Variants in TAFA2 observed in about 807,000 individuals in gnomAD.
TAFA2 encodes the protein TAFA chemokine like family member 2, also known as chemokine-like protein TAFA-2.
Under a neutral mutation model 18.8 loss-of-function variants are expected in TAFA2, and 7 were observed. That is an observed-to-expected ratio of 0.37 (90% CI 0.21 to 0.70). TAFA2 has a LOEUF of 0.70. TAFA2 is among the 30% of genes least tolerant of loss of function. The pLI is 0.53. For synonymous variants in TAFA2, 60 were observed against 54.2 expected (o/e 1.11, Z -0.47); for missense variants, 122 against 158.1 (o/e 0.77, Z 1.23).
In TAFA2 at chr12:61,726,301, T is replaced by C. The variant is rs946729821; in HGVS notation, c.385-15884A>G. Among the ~76,000 whole-genome samples, 3 of 152,038 alleles carry C rather than the reference T, an allele frequency of 2.0e-5. No individual in the cohort carries two copies. In the East Asian group the frequency reaches 5.8e-4, roughly 29 times the overall value. ...ATGGTGGTATTTAGATGGGAATGCA[T>C]TGAATTTGTAGATTGCTTTTGGCGG... On this transcript the variant is annotated intron_variant, in intron 4 of 4. Coordinates refer to ENST00000416284, the MANE Select transcript of TAFA2 (RefSeq NM_178539.5).
intron 1 of TAFA2, among the ~76,000 whole-genome samples, chr12:62,094,412 A>G (rs1228039351): frequency 6.6e-6 from 1 of 152,026 alleles, no homozygotes; most frequent in African/African-American, 2.4e-5. Flanking sequence ...CGTGTGCAAT[A>G]AATTCTCAGA....
chr12:61,883,055 C>A (rs1319353384), intron 1 of TAFA2, among the ~76,000 whole-genome samples: 1 of 152,176 alleles, frequency 6.6e-6, no homozygotes, highest in African/African-American at 2.4e-5. Flanking sequence ...TCTACTGTTA[C>A]TTTAAACACT....
At chr12:62,080,007 C>A (rs1868295357) in intron 1 of TAFA2, among the ~76,000 whole-genome samples, 1 of 152,160 alleles carries the variant, frequency 6.6e-6, no homozygotes, top group African/African-American at 2.4e-5. Flanking sequence ...ATCAAGGGGT[C>A]AGCCAGGCTG....
chr12:62,189,024 T>G (rs1355227704), intron 1 of TAFA2, among the ~76,000 whole-genome samples: 1 of 152,200 alleles, frequency 6.6e-6, no homozygotes, highest in Non-Finnish European at 1.5e-5. Context: ...GAAGCCTTAA[T>G]TCCCCTTTAG....
intron 4 of TAFA2, among the ~76,000 whole-genome samples, chr12:61,717,524 A>G (rs1376850082): frequency 6.6e-6 from 1 of 152,184 alleles, no homozygotes; most frequent in African/African-American, 2.4e-5. Flanking sequence ...ATTTATTTTA[A>G]CACTTTGAGA....
At chr12:62,205,588 C>T (rs1488855314) in intron 1 of TAFA2, among the ~76,000 whole-genome samples, 1 of 152,212 alleles carries the variant, frequency 6.6e-6, no homozygotes, top group East Asian at 1.9e-4. Flanking sequence ...AGGGTCCAGC[C>T]TAAAGAGGGA....
intron 1 of TAFA2, among the ~76,000 whole-genome samples, chr12:62,237,733 C>T (rs563438955): frequency 7.9e-5 from 12 of 151,978 alleles, no homozygotes; most frequent in Non-Finnish European, 1.5e-4. Flanking sequence ...TCCTAGATTG[C>T]TGCTTCCTTT....
intron 1 of TAFA2, among the ~76,000 whole-genome samples, chr12:61,874,491 G>C (rs1874758296): frequency 6.6e-6 from 1 of 152,086 alleles, no homozygotes; most frequent in Admixed American, 6.6e-5. Context: ...ACAATTATCT[G>C]CTTCCTTCAC....
At chr12:62,192,944 T>C (rs2062633374), upstream of TAFA2, 1 of 152,186 alleles carries the variant, frequency 6.6e-6, no homozygotes, top group Admixed American at 6.5e-5. Flanking sequence ...AAATATCTGG[T>C]TTCAGATAAT....
intron 1 of TAFA2, among the ~76,000 whole-genome samples, chr12:62,079,723 A>C (rs1173147049): frequency 6.6e-6 from 1 of 152,102 alleles, no homozygotes; most frequent in Non-Finnish European, 1.5e-5. Context: ...AAAAATCAAC[A>C]TTCCTGTCTC....
rs146177542 is a variant in TAFA2 at position 62,059,631 on chromosome 12, G to A, written c.-2+131628C>T. 4.0e-3 allele frequency among the ~76,000 whole-genome samples: 602 copies of A among 152,230 alleles called. 2 individuals carry two copies. Among genetic ancestry groups the A allele is most frequent in the African/African-American group, 0.013 (556 of 41,536 alleles). The stretch of plus-strand genomic sequence containing the variant: ...GAGCAGAAATCTGAAAGAAATGAAG[G>A]AGCAAGCCATGTGGCCACCTGAAGA... On this transcript the variant is annotated intron_variant, in intron 1 of 4. Transcript: ENST00000416284.
At chr12:62,063,363 C>T (rs1882402641) in intron 1 of TAFA2, among the ~76,000 whole-genome samples, 1 of 152,158 alleles carries the variant, frequency 6.6e-6, no homozygotes, top group African/African-American at 2.4e-5. Context: ...TCTATCTACT[C>T]AGAGTTATGA....
At chr12:62,067,970 AC>A (rs1882534225) in intron 1 of TAFA2, among the ~76,000 whole-genome samples, 1 of 151,220 alleles carries the variant, frequency 6.6e-6, no homozygotes, top group Non-Finnish European at 1.5e-5. Context: ...TTTTGTTTTT[AC>A]TTTTTTTTTC....
At chr12:62,024,852 T>C (rs879717557) in intron 1 of TAFA2, among the ~76,000 whole-genome samples, 1 of 151,788 alleles carries the variant, frequency 6.6e-6, no homozygotes. Context: ...TACAAACATA[T>C]GAAAAATGCT....
intron 1 of TAFA2, among the ~76,000 whole-genome samples, chr12:61,975,608 T>G (rs2136670505): frequency 6.6e-6 from 1 of 151,124 alleles, no homozygotes; most frequent in Middle Eastern, 3.4e-3. Flanking sequence ...AGCCTGGCTA[T>G]TGTGAATAAT....
At chr12:62,252,935 A>G (rs1349069266) in intron 1 of TAFA2, 1 of 152,226 alleles carries the variant, frequency 6.6e-6, no homozygotes. Context: ...ATATGTGTCA[A>G]TTCTAATCAA....
intron 2 of TAFA2, among the ~76,000 whole-genome samples, chr12:61,836,659 T>G (rs2121107954): frequency 6.6e-6 from 1 of 150,798 alleles, no homozygotes; most frequent in South Asian, 2.1e-4. Context: ...CAAAACAGCT[T>G]ATTTGAAAGC....
intron 2 of TAFA2, among the ~76,000 whole-genome samples, chr12:61,811,430 G>T (rs1485887375): frequency 1.3e-5 from 2 of 151,442 alleles, no homozygotes; most frequent in East Asian, 3.9e-4. Context: ...CAAGAGAACG[G>T]CAAACTTGTA....
intron 1 of TAFA2, among the ~76,000 whole-genome samples, chr12:62,092,777 T>C (rs1026678762): frequency 2.7e-4 from 41 of 151,960 alleles, no homozygotes; most frequent in African/African-American, 8.9e-4. Flanking sequence ...AATGATATGA[T>C]TTTTTTAACA....
Sources: allele counts gnomAD v4.1 joint callset (sites outside exome capture counted in the v4.1 genomes callset), GRCh38; gene constraint gnomAD v4.1.1; transcripts MANE v1.5; gene names NCBI Gene and HGNC (gene_info 2026-07-23, HGNC 2026-07-21).